SNTG2: variants seen among roughly 807,000 people sequenced by gnomAD.
SNTG2 encodes the protein syntrophin gamma 2, also known as gamma-2-syntrophin.
Under a neutral mutation model 70.9 loss-of-function variants are expected in SNTG2, and 74 were observed. The ratio of observed to expected loss-of-function variants is 1.04; its 90% CI spans 0.86 to 1.27. The LOEUF is 1.27. SNTG2 is among the 50% of genes most tolerant of loss of function. The pLI is 0.00. For synonymous variants in SNTG2, 278 were observed against 273.8 expected (o/e 1.02, Z -0.15); for missense variants, 717 against 690.7 (o/e 1.04, Z -0.43).
At chr2:1,214,282 A>C (rs564653534) in intron 9 of SNTG2, among the ~76,000 whole-genome samples, 1 of 152,286 alleles carries the variant, frequency 6.6e-6, no homozygotes, top group African/African-American at 2.4e-5. Flanking sequence ...TATTTCTTTG[A>C]AAAATATCAT....
chr2:962,133 T>TA (rs1660368103), intron 1 of SNTG2, among the ~76,000 whole-genome samples: 2 of 152,210 alleles, frequency 1.3e-5, no homozygotes, highest in Admixed American at 6.5e-5. Context: ...GGCATGATCA[T>TA]AGCTTACTGC....
intron 1 of SNTG2, among the ~76,000 whole-genome samples, chr2:991,789 G>C (rs1267003841): frequency 6.6e-6 from 1 of 152,188 alleles, no homozygotes; most frequent in Non-Finnish European, 1.5e-5. Flanking sequence ...GGCAGCAGTG[G>C]TGACAGCAAA....
chr2:1,096,607 G>A (rs1665408347), intron 2 of SNTG2, among the ~76,000 whole-genome samples: 2 of 152,228 alleles, frequency 1.3e-5, no homozygotes, highest in East Asian at 1.9e-4. Flanking sequence ...TATTCGACTC[G>A]GCACAGTGTC....
intron 1 of SNTG2, among the ~76,000 whole-genome samples, chr2:1,035,730 A>G (rs1661092392): frequency 6.6e-6 from 1 of 152,142 alleles, no homozygotes; most frequent in African/African-American, 2.4e-5. Context: ...TTTGGGGTTC[A>G]TATTTGCCTA....
intron 13 of SNTG2, among the ~76,000 whole-genome samples, chr2:1,261,220 C>T (rs1357164746): frequency 2.6e-5 from 4 of 152,240 alleles, no homozygotes; most frequent in East Asian, 3.9e-4. Flanking sequence ...TGCTTTTACA[C>T]GCATTTAATT....
intron 1 of SNTG2, among the ~76,000 whole-genome samples, chr2:1,018,892 G>A (rs1279719052): frequency 6.6e-6 from 1 of 152,200 alleles, no homozygotes; most frequent in Non-Finnish European, 1.5e-5. Flanking sequence ...TTTTCTGAGT[G>A]CTGCTGGGCC....
chr2:1,300,303 A>C (rs1680404018), intron 14 of SNTG2, among the ~76,000 whole-genome samples: 1 of 152,164 alleles, frequency 6.6e-6, no homozygotes, highest in African/African-American at 2.4e-5. Context: ...TTCAAAGTCC[A>C]CTCACTCTTG....
intron 16 of SNTG2, among the ~76,000 whole-genome samples, chr2:1,354,137 TA>T (rs1188593006): frequency 6.6e-6 from 1 of 152,164 alleles, no homozygotes; most frequent in Non-Finnish European, 1.5e-5. Context: ...CGTTAAATAT[TA>T]AAAAACTTTA....
chr2:1,178,106 A>G (rs1387371468), intron 8 of SNTG2, among the ~76,000 whole-genome samples: 1 of 152,140 alleles, frequency 6.6e-6, no homozygotes, highest in Non-Finnish European at 1.5e-5. Flanking sequence ...GAGGCATGCT[A>G]GTTGGTTTTC....
chr2:1,109,011 A>G (rs149446150), intron 4 of SNTG2, among the ~76,000 whole-genome samples: 3,470 of 114,758 alleles, frequency 0.03, 95 homozygotes, highest in South Asian at 0.19. Context: ...GGTGCAGGGT[A>G]TGGAGAGCTG....
chr2:1,229,568 A>T (rs1676045103), intron 9 of SNTG2, among the ~76,000 whole-genome samples: 1 of 152,212 alleles, frequency 6.6e-6, no homozygotes, highest in South Asian at 2.1e-4. Flanking sequence ...CTGCAGGTGG[A>T]GCTGCCTGCC....
At chr2:1,218,770 C>T (rs114483074) in intron 9 of SNTG2, among the ~76,000 whole-genome samples, 2,040 of 152,230 alleles carry the variant, frequency 0.013, 44 homozygotes, top group African/African-American at 0.046. Flanking sequence ...GATTTCTAAT[C>T]CTGCTTCACC....
chr2:1,313,570 A>G (rs10196789), intron 15 of SNTG2, among the ~76,000 whole-genome samples: 17,378 of 152,300 alleles, frequency 0.11, 1,085 homozygotes, highest in South Asian at 0.19. Flanking sequence ...AATGCCATCC[A>G]TAATGGAAAA....
chr2:1,136,133 T>C (rs1668367843), intron 4 of SNTG2, among the ~76,000 whole-genome samples: 1 of 152,092 alleles, frequency 6.6e-6, no homozygotes, highest in African/African-American at 2.4e-5. Flanking sequence ...ACATATTCTG[T>C]GTGTACTTTC....
At chr2:1,117,633 G>A (rs1302659159) in intron 4 of SNTG2, among the ~76,000 whole-genome samples, 1 of 152,144 alleles carries the variant, frequency 6.6e-6, no homozygotes, top group African/African-American at 2.4e-5. Context: ...TGCCACCCCA[G>A]CCTCCAGGGT....
intron 1 of SNTG2, among the ~76,000 whole-genome samples, chr2:1,018,941 A>G (rs1660001503): frequency 6.6e-6 from 1 of 152,132 alleles, no homozygotes; most frequent in Non-Finnish European, 1.5e-5. Context: ...AGAGATGCCC[A>G]TTGTCCTCCT....
At chr2:1,319,446 T>TA (rs1211699628) in intron 16 of SNTG2, among the ~76,000 whole-genome samples, 23 of 151,962 alleles carry the variant, frequency 1.5e-4, no homozygotes. Context: ...AAACCCAAAC[T>TA]AAAAAAACCT....
intron 4 of SNTG2, among the ~76,000 whole-genome samples, chr2:1,136,390 G>A (rs529121316): frequency 6.6e-6 from 1 of 151,614 alleles, no homozygotes; most frequent in South Asian, 2.1e-4. Flanking sequence ...GACGGCGCAG[G>A]GGAGAAGAGC....
At chr2:1,217,191 A>T (rs1254143607) in intron 9 of SNTG2, among the ~76,000 whole-genome samples, 1 of 152,224 alleles carries the variant, frequency 6.6e-6, no homozygotes, top group Non-Finnish European at 1.5e-5. Flanking sequence ...ATATGTATTT[A>T]TATGATACAA....
Sources: allele counts gnomAD v4.1 joint callset (sites outside exome capture counted in the v4.1 genomes callset), GRCh38; gene constraint gnomAD v4.1.1; transcripts MANE v1.5; gene names NCBI Gene and HGNC (gene_info 2026-07-23, HGNC 2026-07-21).